Variants in CPEB3 observed in about 807,000 individuals in gnomAD.
The protein encoded by CPEB3 is cytoplasmic polyadenylation element-binding protein 3.
A neutral mutation model predicts 67.2 loss-of-function variants in CPEB3; 20 were observed. That is an observed-to-expected ratio of 0.30 (90% CI 0.21 to 0.43). CPEB3 has a LOEUF of 0.43. Ranked by LOEUF, CPEB3 falls within the 20% of genes least tolerant of loss-of-function variation. The pLI is 1.00. For synonymous variants in CPEB3, 376 were observed against 393.1 expected (o/e 0.96, Z 0.51); for missense variants, 746 against 968.6 (o/e 0.77, Z 3.05).
At chr10:92,280,343 C>CAAAAAAAAAAAAAAAAAA (rs60338900) in intron 1 of CPEB3, among the ~76,000 whole-genome samples, 1 of 37,796 alleles carries the variant, frequency 2.6e-5, no homozygotes, top group Admixed American at 4.1e-4. Context: ...AACTCCATCT[C>CAAAAAAAAAAAAAAAAAA]AAAAAAAAAA....
intron 4 of CPEB3, among the ~76,000 whole-genome samples, chr10:92,173,677 G>A (rs1848105685): frequency 6.6e-6 from 1 of 152,070 alleles, no homozygotes; most frequent in Admixed American, 6.6e-5. Flanking sequence ...TATCACCCTG[G>A]CCAATTCTTA....
chr10:92,086,368 T>C (rs969886019), intron 8 of CPEB3, among the ~76,000 whole-genome samples: 3 of 152,232 alleles, frequency 2.0e-5, no homozygotes, highest in Non-Finnish European at 4.4e-5. Flanking sequence ...CTGCTCTGCA[T>C]CAGATATGTT....
At chr10:92,096,937 C>A (rs986665659) in intron 7 of CPEB3, among the ~76,000 whole-genome samples, 7 of 152,114 alleles carry the variant, frequency 4.6e-5, no homozygotes, top group Non-Finnish European at 1.0e-4. Flanking sequence ...CAGAGTGAGA[C>A]CCTGTCTCAA....
At chr10:92,199,141 C>A (rs954221400) in intron 2 of CPEB3, among the ~76,000 whole-genome samples, 7 of 152,058 alleles carry the variant, frequency 4.6e-5, no homozygotes, top group Admixed American at 2.0e-4. Flanking sequence ...CCTGTAATCC[C>A]AGCACTTTGG....
Position 92,248,986 on chromosome 10 carries a change from C to T in CPEB3, c.-11-8625G>A, listed in dbSNP as rs189931975. On this transcript the variant is annotated intron_variant, in intron 1 of 9. Transcript: ENST00000265997. Reference sequence around the variant, plus strand: ...AGCTGAAAAATTCCAATCACCTCCTCACTTTGTAGCTGTCAATGTCATAGT... The same window carrying T: ...AGCTGAAAAATTCCAATCACCTCCTTACTTTGTAGCTGTCAATGTCATAGT... Among the ~76,000 whole-genome samples, 107 of 152,318 alleles carry T rather than the reference C, an allele frequency of 7.0e-4. 1 individual carries two copies. The highest frequency in any genetic ancestry group is 2.4e-3 in the African/African-American group (101 of 41,570).
intron 1 of CPEB3, among the ~76,000 whole-genome samples, 172 bp from the exon 2 acceptor site, chr10:92,240,533 A>G (rs1851796786): frequency 6.6e-6 from 1 of 152,232 alleles, no homozygotes; most frequent in African/African-American, 2.4e-5. Context: ...TGGGTGGGGA[A>G]TAGGGAAGGT....
intron 1 of CPEB3, among the ~76,000 whole-genome samples, chr10:92,261,437 C>CTGTTA (rs1554937119): frequency 6.6e-6 from 1 of 151,736 alleles, no homozygotes; most frequent in East Asian, 1.9e-4. Context: ...GTCCCTTTTT[C>CTGTTA]TGTTTTGTTT....
intron 9 of CPEB3, among the ~76,000 whole-genome samples, chr10:92,055,492 C>G (rs1842075543): frequency 6.6e-6 from 1 of 152,120 alleles, no homozygotes; most frequent in South Asian, 2.1e-4. Context: ...GTCCCCCACC[C>G]CCTCTTAAGC....
intron 6 of CPEB3, among the ~76,000 whole-genome samples, chr10:92,135,021 G>A (rs1450563864): frequency 1.3e-5 from 2 of 152,132 alleles, no homozygotes; most frequent in African/African-American, 4.8e-5. Context: ...ATTCAAGATG[G>A]ATTAAAGACT....
chr10:92,111,133 T>C lies in CPEB3; in HGVS notation c.1515A>G (p.Leu505=), dbSNP rs1844720370. 1 of 1,614,164 alleles carries C rather than the reference T, an allele frequency of 6.2e-7. No individual in the cohort carries two copies. The change falls in exon 7 of 10, where the codon CTA becomes CTG. Residue 505 remains leucine (L), a synonymous_variant. Coordinates refer to ENST00000265997, the MANE Select transcript of CPEB3 (RefSeq NM_014912.5). The stretch of plus-strand genomic sequence containing the variant: ...ACAGGTAGAGTTTCCCATCTTCTTC[T>C]AGGCAGGCATCTATCAAAGCTTGTA... ...SSVQALIDAC[L]EEDGKLYLCV...
At chr10:92,055,965 C>T (rs1029718969) in intron 9 of CPEB3, among the ~76,000 whole-genome samples, 3 of 152,104 alleles carry the variant, frequency 2.0e-5, no homozygotes, top group Admixed American at 1.3e-4. Context: ...CTGCAGTGAG[C>T]CAAGATTGTG....
chr10:92,169,119 T>G (rs984241186), intron 4 of CPEB3, among the ~76,000 whole-genome samples: 1 of 149,264 alleles, frequency 6.7e-6, no homozygotes, highest in Non-Finnish European at 1.5e-5. Context: ...CTTTATAAAT[T>G]ACTGAGTCTT....
intron 4 of CPEB3, among the ~76,000 whole-genome samples, chr10:92,166,833 C>A (rs140513997): frequency 5.9e-5 from 9 of 152,202 alleles, no homozygotes; most frequent in African/African-American, 1.9e-4. Context: ...TCTCCTCTCT[C>A]GTTATGAAAG....
chr10:92,257,728 CT>C lies in CPEB3; in HGVS notation c.-11-17368del, dbSNP rs11418720. 1.6e-3 allele frequency among the ~76,000 whole-genome samples: 208 copies of C among 130,706 alleles called. 4 individuals carry two copies. The highest frequency in any genetic ancestry group is 3.9e-3 in the Middle Eastern group (1 of 254). 85.7% of individuals were successfully genotyped at this position (130,706 alleles called of 152,430 possible). A position where few individuals can be genotyped will look rare whatever the true frequency, so the allele number is the denominator to read the frequency against. ...AATAATGTAGAAAAGGACCTCAACT[CT>C]TTTTTTTTTTTTTTTTTGAGATGGA... On this transcript the variant is annotated intron_variant, in intron 1 of 9. Transcript: ENST00000265997.
chr10:92,142,382 AG>A (rs1846478077), intron 6 of CPEB3, among the ~76,000 whole-genome samples: 1 of 152,250 alleles, frequency 6.6e-6, no homozygotes, highest in Non-Finnish European at 1.5e-5. Context: ...ATATAAATCT[AG>A]GAACACACCC....
At chr10:92,231,945 C>G (rs1851289870) in intron 2 of CPEB3, among the ~76,000 whole-genome samples, 1 of 151,930 alleles carries the variant, frequency 6.6e-6, no homozygotes. Context: ...GTCTCGAACT[C>G]CTGACCTCAG....
intron 2 of CPEB3, among the ~76,000 whole-genome samples, chr10:92,203,919 A>G (rs2134270237): frequency 6.6e-6 from 1 of 152,220 alleles, no homozygotes; most frequent in East Asian, 1.9e-4. Context: ...CACCTTTTAC[A>G]TTTCTAAAGA....
chr10:92,073,877 T>C (rs945169381), intron 9 of CPEB3, among the ~76,000 whole-genome samples: 2 of 152,158 alleles, frequency 1.3e-5, no homozygotes, highest in Admixed American at 6.5e-5. Flanking sequence ...ACAAAGAGGG[T>C]TGGACCAGGT....
intron 7 of CPEB3, among the ~76,000 whole-genome samples, chr10:92,101,014 C>G (rs1419978390): frequency 1.3e-5 from 2 of 152,184 alleles, no homozygotes; most frequent in African/African-American, 4.8e-5. Context: ...TACATATCGT[C>G]AAGCTCATTT....
Sources: allele counts gnomAD v4.1 joint callset (sites outside exome capture counted in the v4.1 genomes callset), GRCh38; gene constraint gnomAD v4.1.1; transcripts MANE v1.5; gene names NCBI Gene and HGNC (gene_info 2026-07-23, HGNC 2026-07-21).